TTC3: variants seen among roughly 807,000 people sequenced by gnomAD.
TTC3 encodes E3 ubiquitin-protein ligase TTC3.
In TTC3, 180 loss-of-function variants were observed where a neutral mutation model predicts 249.6. That is an observed-to-expected ratio of 0.72 (90% CI 0.64 to 0.82). The LOEUF (loss-of-function observed/expected upper bound fraction) is 0.82. TTC3 is among the 40% of genes least tolerant of loss of function. TTC3 has a pLI of 0.00. For missense variants in TTC3, 2,061 were observed against 2,398.4 expected (o/e 0.86, Z 2.94); for synonymous variants, 717 against 805.0 (o/e 0.89, Z 1.85).
chr21:37,074,872 A>G (rs2070612766), intron 1 of TTC3, among the ~76,000 whole-genome samples: 1 of 152,150 alleles, frequency 6.6e-6, no homozygotes, highest in Non-Finnish European at 1.5e-5. Flanking sequence ...TTTTTGGAAT[A>G]TTTCAGATAT....
At chr21:37,078,880 A>C (rs1056666905) in intron 1 of TTC3, among the ~76,000 whole-genome samples, 6 of 152,208 alleles carry the variant, frequency 3.9e-5, no homozygotes, top group Non-Finnish European at 1.5e-5. Context: ...TATAGTGGGC[A>C]TAGAGTTCTT....
intron 1 of TTC3, chr21:37,085,979 A>G (rs1310693059): frequency 6.6e-6 from 1 of 152,226 alleles, no homozygotes; most frequent in Non-Finnish European, 1.5e-5. Context: ...GCATTTTCCC[A>G]TCTGTACAGT....
intron 17 of TTC3, 47 bp from the exon 18 acceptor site, chr21:37,135,332 TA>T (rs1317922974): frequency 6.4e-7 from 1 of 1,561,590 alleles, no homozygotes. Context: ...GGTTTTAAAT[TA>T]AAAATGTGTA....
chr21:37,156,787 A>T, exon 28 of TTC3: 1 of 1,614,082 alleles, frequency 6.2e-7, no homozygotes, highest in Non-Finnish European at 8.5e-7. Flanking sequence ...AAGCAACTTG[A>T]TTATTTCTCT....
chr21:37,083,291 A>G, intron 1 of TTC3: 1 of 985,466 alleles, frequency 1.0e-6, no homozygotes, highest in Non-Finnish European at 1.2e-6. Flanking sequence ...AGCAGGAGCA[A>G]GATCACAAAA....
rs76774520 is a variant in TTC3, at chr21:37,140,512, A to T, written c.1660-49A>T. The stretch of plus-strand genomic sequence containing the variant: ...TCAACCTTTAGATAAAATTTATTTC[A>T]GTATTTCTCTTTGTATGTAAGTGAT... On this transcript the variant is annotated intron_variant, in intron 19 of 45. Coordinates refer to ENST00000355666, the Ensembl canonical transcript of TTC3. 9.2e-5 allele frequency: 114 copies of T among 1,233,328 alleles called. 2 individuals carry two copies. The Admixed American group carries it at 3.2e-3, about 34-fold the overall frequency. 76.4% of individuals were successfully genotyped at this position (1,233,328 alleles called of 1,614,324 possible).
intron 34 of TTC3, among the ~76,000 whole-genome samples, chr21:37,171,883 C>G (rs2081830995): frequency 6.6e-6 from 1 of 152,180 alleles, no homozygotes; most frequent in Non-Finnish European, 1.5e-5. Context: ...AATGTCAGAG[C>G]TGGACCAGGT....
At chr21:37,096,969 C>A in intron 10 of TTC3, 1 of 191,560 alleles carries the variant, frequency 5.2e-6, no homozygotes, top group African/African-American at 2.3e-5. Flanking sequence ...ATAGTGATAC[C>A]AAGATTTGAA....
intron 28 of TTC3, chr21:37,158,009 C>G (rs977582746): frequency 2.4e-5 from 11 of 452,496 alleles, no homozygotes; most frequent in African/African-American, 1.9e-4. Flanking sequence ...AAGGTCTGGC[C>G]TTGTACGATG....
At chr21:37,106,999 G>T (rs1038441619) in intron 10 of TTC3, among the ~76,000 whole-genome samples, 15 of 151,874 alleles carry the variant, frequency 9.9e-5, no homozygotes, top group Non-Finnish European at 1.8e-4. Context: ...TCACGAATCA[G>T]GTCATTATGT....
chr21:37,119,268 C>A (rs989354979), intron 11 of TTC3, among the ~76,000 whole-genome samples: 3 of 152,010 alleles, frequency 2.0e-5, no homozygotes, highest in African/African-American at 7.2e-5. Context: ...AATTTTTTCC[C>A]CACTACTGAA....
chr21:37,140,901 A>G (rs1484738354), intron 20 of TTC3, among the ~76,000 whole-genome samples: 2 of 152,252 alleles, frequency 1.3e-5, no homozygotes, highest in East Asian at 3.8e-4. Context: ...TAAGTCAACA[A>G]TATAGTAATT....
chr21:37,155,928 A>G (rs781071401), intron 27 of TTC3, among the ~76,000 whole-genome samples: 1 of 152,208 alleles, frequency 6.6e-6, no homozygotes, highest in Non-Finnish European at 1.5e-5. Context: ...AAGATTCTGC[A>G]TATTGTTGAT....
chr21:37,135,671 A>G (rs1050859934), intron 18 of TTC3, among the ~76,000 whole-genome samples, 157 bp downstream of exon 18: 3 of 152,192 alleles, frequency 2.0e-5, no homozygotes, highest in Admixed American at 6.5e-5. Flanking sequence ...TACTGCTCCA[A>G]TTCAGACTTC....
At chr21:37,166,131 C>T (rs557534231) in exon 33 of TTC3, 2 of 1,614,204 alleles carry the variant, frequency 1.2e-6, no homozygotes, top group East Asian at 2.2e-5. Context: ...GTGAAACCAA[C>T]TTATTGGGCT....
rs1340521388 is a variant in TTC3 at position 37,154,840 on chromosome 21, T to C, written c.2740+1563T>C. Among the ~76,000 whole-genome samples the C allele has an allele frequency of 2.6e-5, 4 of 152,184 alleles. No homozygotes were observed. In the South Asian group the frequency reaches 6.2e-4, roughly 24 times the overall value. ...CCTCCCGAGCAGCTGGTACTACAGGTGCCTGCCACCACGCCTGGCTAATGT... is the reference window on the plus strand; with the variant it reads ...CCTCCCGAGCAGCTGGTACTACAGGCGCCTGCCACCACGCCTGGCTAATGT... On this transcript the variant is annotated intron_variant, in intron 27 of 45. Coordinates refer to ENST00000355666, the Ensembl canonical transcript of TTC3.
chr21:37,154,999 T>G (rs1327485340), intron 27 of TTC3, among the ~76,000 whole-genome samples: 1 of 152,188 alleles, frequency 6.6e-6, no homozygotes, highest in East Asian at 1.9e-4. Context: ...CCGGTCGATA[T>G]AATCCATGTT....
At chr21:37,146,600 CAA>C (rs761784136) in intron 21 of TTC3, among the ~76,000 whole-genome samples, 2 of 151,970 alleles carry the variant, frequency 1.3e-5, no homozygotes, top group African/African-American at 4.8e-5. Context: ...AAGCCAAACA[CAA>C]AGGGCTTGTG....
intron 10 of TTC3, among the ~76,000 whole-genome samples, chr21:37,099,561 A>C (rs907772903): frequency 1.3e-5 from 2 of 152,246 alleles, no homozygotes; most frequent in Non-Finnish European, 2.9e-5. Context: ...GTTTATGAGG[A>C]AATGATTATC....
Sources: allele counts gnomAD v4.1 joint callset (sites outside exome capture counted in the v4.1 genomes callset), GRCh38; gene constraint gnomAD v4.1.1; transcripts MANE v1.5; gene names NCBI Gene and HGNC (gene_info 2026-07-23, HGNC 2026-07-21).